The following F8 variants were observed in gnomAD, a reference collection of about 807,000 sequenced individuals.
F8 encodes the protein coagulation factor VIII, also known as antihemophilic factor.
Under a neutral mutation model 140.6 loss-of-function variants are expected in F8, and 12 were observed. The observed-to-expected ratio is 0.09, with a 90% confidence interval of 0.05 to 0.14. F8 has a LOEUF of 0.14. Ranked by LOEUF, F8 falls within the 10% of genes least tolerant of loss-of-function variation. The pLI is 1.00. For synonymous variants in F8, 585 were observed against 614.6 expected (o/e 0.95, Z 0.71); for missense variants, 1,354 against 1,720.7 (o/e 0.79, Z 3.77).
At chrX:154,945,319 C>T (rs2073297341) in intron 13 of F8, among the ~76,000 whole-genome samples, 1 of 111,162 alleles carries the variant, frequency 9.0e-6, no homozygotes, top group Admixed American at 9.6e-5. Flanking sequence ...AACTACAGGC[C>T]AATATCTCTG....
chrX:154,896,506 TACACACAC>T lies in F8; in HGVS notation c.6274-282_6274-275del, dbSNP rs57253105. 8.2e-3 allele frequency among the ~76,000 whole-genome samples: 811 copies of T among 98,979 alleles called. 10 individuals carry two copies. The highest frequency in any genetic ancestry group is 0.027 in the African/African-American group (722 of 27,169). 86.0% of individuals were successfully genotyped at this position (98,979 alleles called of 115,157 possible). On this transcript the variant is annotated intron_variant, in intron 21 of 25. Coordinates refer to ENST00000360256, the MANE Select transcript of F8 (RefSeq NM_000132.4). The stretch of plus-strand genomic sequence containing the variant: ...ACCAAATCATTGAGCCCCCATTTCG[TACACACAC>T]ACACACACACACACACACACACATA...
chrX:154,865,685 A>AC lies in F8; in HGVS notation c.6430-2459dup, dbSNP rs782559895. Among the ~76,000 whole-genome samples the AC allele has an allele frequency of 5.6e-3, 573 of 102,015 alleles. 8 individuals are homozygous for AC. The highest frequency in any genetic ancestry group is 0.018 in the African/African-American group (517 of 28,091). 88.6% of individuals were successfully genotyped at this position (102,015 alleles called of 115,157 possible). ...AGTGTTCAATTTGATCCCTGTGGTAACCCCCCCGACCGCCCCCCCACACAG... is the reference window on the plus strand; with the variant it reads ...AGTGTTCAATTTGATCCCTGTGGTAACCCCCCCCGACCGCCCCCCCACACAG... On this transcript the variant is annotated intron_variant, in intron 22 of 25. Coordinates refer to ENST00000360256, the MANE Select transcript of F8 (RefSeq NM_000132.4).
chrX:154,944,465 G>A lies in F8; in HGVS notation c.2113+3233C>T, dbSNP rs375426802. Reference sequence around the variant, plus strand: ...CAGAGAAATGCAAATCAAAACCACAGTGAGATACCATCTCACACCAGTTAG... The same window carrying A: ...CAGAGAAATGCAAATCAAAACCACAATGAGATACCATCTCACACCAGTTAG... On this transcript the variant is annotated intron_variant, in intron 13 of 25. Transcript: ENST00000360256. Among the ~76,000 whole-genome samples the A allele has an allele frequency of 1.9e-3, 206 of 110,312 alleles. 1 individual carries two copies. The highest frequency in any genetic ancestry group is 6.3e-3 in the African/African-American group (190 of 30,061).
intron 22 of F8, among the ~76,000 whole-genome samples, chrX:154,867,953 C>T (rs955036983): frequency 1.4e-4 from 16 of 110,846 alleles, no homozygotes; most frequent in African/African-American, 4.9e-4. Flanking sequence ...ATGATTATTT[C>T]GATCAATACA....
intron 13 of F8, among the ~76,000 whole-genome samples, chrX:154,944,182 A>T (rs1557280104): frequency 9.0e-6 from 1 of 110,986 alleles, no homozygotes; most frequent in Non-Finnish European, 1.9e-5. Context: ...AACTAATTAA[A>T]CTAAAGAGCT....
At chrX:154,908,076 A>G (rs782429389) in intron 14 of F8, among the ~76,000 whole-genome samples, 6 of 111,708 alleles carry the variant, frequency 5.4e-5, no homozygotes, top group Non-Finnish European at 9.4e-5. Context: ...TTTTCTTTCT[A>G]AAATGTTTAT....
intron 22 of F8, among the ~76,000 whole-genome samples, chrX:154,871,246 C>A (rs1329822908): frequency 8.9e-6 from 1 of 111,995 alleles, no homozygotes; most frequent in African/African-American, 3.2e-5. Flanking sequence ...CCAAGACAAT[C>A]CTGGACAAGA....
chrX:155,001,305 C>A (rs185661103), intron 1 of F8, among the ~76,000 whole-genome samples: 2 of 101,856 alleles, frequency 2.0e-5, no homozygotes, highest in African/African-American at 7.1e-5. Context: ...AATTTACTAT[C>A]GTAAATCTTT....
At chrX:154,906,908 T>C (rs1156830654) in intron 14 of F8, among the ~76,000 whole-genome samples, 1 of 112,567 alleles carries the variant, frequency 8.9e-6, no homozygotes, top group Non-Finnish European at 1.9e-5. Flanking sequence ...GGATCTCTTT[T>C]CTTTTTACTT....
chrX:154,881,660 C>G (rs1193898717), intron 22 of F8, among the ~76,000 whole-genome samples: 1 of 106,590 alleles, frequency 9.4e-6, no homozygotes, highest in Non-Finnish European at 1.9e-5. Flanking sequence ...AACGCAGTAC[C>G]CTTTCATGAA....
In F8 at chrX:154,930,829, C is replaced by G. The variant is rs782019600; in HGVS notation, c.2961G>C (p.Glu987Asp). 150 of 1,208,349 alleles carry G rather than the reference C, an allele frequency of 1.2e-4. No individual in the cohort carries two copies. Among genetic ancestry groups the G allele is most frequent in the Non-Finnish European group, 1.6e-4 (144 of 893,974 alleles). ...SSWGKNVSST[E>D]SGRLFKGKRA... Reference sequence around the variant, plus strand: ...TTTTCCCTTTAAATAACCTACCACTCTCTGTTGACGATACATTTTTTCCCC... The same window carrying G: ...TTTTCCCTTTAAATAACCTACCACTGTCTGTTGACGATACATTTTTTCCCC... Residue 987 changes from glutamate to aspartate, a missense_variant, in exon 14 of 26, where the codon GAG becomes GAC. Physicochemically the swap from Glu to Asp is conservative, Grantham distance 45 (BLOSUM62 2). Around this residue, in one of 4 missense-constraint regions of F8, gnomAD observed 658 missense variants for 666.5 expected, o/e 0.99. Coordinates refer to ENST00000360256, the MANE Select transcript of F8 (RefSeq NM_000132.4).
At chrX:154,894,341 T>C (rs1569559461) in intron 22 of F8, among the ~76,000 whole-genome samples, 1 of 81,628 alleles carries the variant, frequency 1.2e-5, no homozygotes, top group African/African-American at 4.5e-5. Context: ...AAAGTGATGC[T>C]ACATAACTTA....
At chrX:154,939,289 C>T (rs1557279462) in intron 13 of F8, among the ~76,000 whole-genome samples, 2 of 112,200 alleles carry the variant, frequency 1.8e-5, no homozygotes, top group African/African-American at 3.2e-5. Context: ...TGACAGATGG[C>T]ACCTGGAAAA....
rs1353676215 is a variant in F8, at chrX:154,953,995, C to T, written c.1800G>A (p.Glu600=). 5.8e-6 allele frequency: 7 copies of T among 1,209,445 alleles called. No individual in the cohort carries two copies. The highest frequency in any genetic ancestry group is 1.7e-5 in the African/African-American group (1 of 57,159). ...RNVILFSVFD[E]NRSWYLTENI... is the part of the protein sequence containing the mutation. Reference sequence around the variant, plus strand: ...TCTCTGTGAGGTACCAGCTTCGGTTCTCATCAAATACAGAAAACAGGATGA... The same window carrying T: ...TCTCTGTGAGGTACCAGCTTCGGTTTTCATCAAATACAGAAAACAGGATGA... The change falls in exon 12 of 26, where the codon GAG becomes GAA. Residue 600 remains glutamate (E), a synonymous_variant. Transcript: ENST00000360256.
At chrX:155,008,347 C>T (rs2073687142) in intron 1 of F8, among the ~76,000 whole-genome samples, 1 of 112,241 alleles carries the variant, frequency 8.9e-6, no homozygotes, top group Non-Finnish European at 1.9e-5. Context: ...CTCTGGGACC[C>T]GCAGCAGAAA....
Position 154,929,422 on chromosome X carries a change from T to A in F8, c.4368A>T (p.Gly1456=). 1 of 1,211,651 alleles carries A rather than the reference T, an allele frequency of 8.3e-7. No homozygotes were observed. The highest frequency in any genetic ancestry group is 1.1e-6 in the Non-Finnish European group (1 of 895,403). The change falls in exon 14 of 26, where the codon GGA becomes GGT. Residue 1456 remains glycine (G), a synonymous_variant. Transcript: ENST00000360256. ...GVQESSHFLQ[G]AKKNNLSLAI... ...CTAAAGAAAGGTTATTTTTTTTGGC[T>A]CCTTGTAAGAAATGACTGCTTTCTT...
rs190182343 is a variant in F8, at chrX:154,962,209, A to G, written c.1444-1041T>C. Among the ~76,000 whole-genome samples the G allele has an allele frequency of 2.2e-3, 247 of 111,728 alleles. 4 individuals carry two copies. Among genetic ancestry groups the G allele is most frequent in the Non-Finnish European group, 4.5e-4 (24 of 53,125 alleles). ...GCTTCCATTTGCTGCCAGAGGCTAC[A>G]CTTCCCAGCCTGCAACCCTTTCCAC... is the stretch of plus-strand genomic sequence containing the variant. On this transcript the variant is annotated intron_variant, in intron 9 of 25. Coordinates refer to ENST00000360256, the MANE Select transcript of F8 (RefSeq NM_000132.4).
intron 1 of F8, among the ~76,000 whole-genome samples, chrX:155,007,771 G>A (rs1204761025): frequency 1.8e-5 from 2 of 111,911 alleles, no homozygotes; most frequent in East Asian, 2.8e-4. Context: ...GTTTCATGCC[G>A]TAACCATTCC....
chrX:155,011,252 T>C (rs1186468066), intron 1 of F8, among the ~76,000 whole-genome samples: 2 of 112,419 alleles, frequency 1.8e-5, no homozygotes, highest in Admixed American at 1.9e-4. Flanking sequence ...AGCATTTAAA[T>C]AGACATTTCT....
Sources: allele counts gnomAD v4.1 joint callset (sites outside exome capture counted in the v4.1 genomes callset), GRCh38; gene constraint gnomAD v4.1.1; regional missense constraint gnomAD v4.1.1; transcripts MANE v1.5; gene names NCBI Gene and HGNC (gene_info 2026-07-23, HGNC 2026-07-21).